Variants in MALRD1 observed in about 807,000 individuals in gnomAD.
MALRD1 encodes MAM and LDL-receptor class A domain-containing protein 1.
Under a neutral mutation model 242.1 loss-of-function variants are expected in MALRD1, and 247 were observed. The observed-to-expected ratio is 1.02, with a 90% CI of 0.92 to 1.13. MALRD1 has a LOEUF of 1.13. MALRD1 is among the 50% of genes most tolerant of loss of function. MALRD1 has a pLI of 0.00. For synonymous variants in MALRD1, 995 were observed against 866.6 expected, an observed-to-expected ratio of 1.15 and a Z score of -2.60; for missense variants, 2,989 against 2,533.1, an observed-to-expected ratio of 1.18 and a Z score of -3.86.
rs559172523 is a variant in MALRD1 at position 19,620,633 on chromosome 10, C to T, written c.6137+4710C>T. Among the ~76,000 whole-genome samples, 34 of 152,002 alleles carry T rather than the reference C, an allele frequency of 2.2e-4. No homozygotes were observed. The East Asian group carries it at 6.2e-3, about 28-fold the overall frequency. The stretch of plus-strand genomic sequence containing the variant: ...TTTTCAAAAACTCCTTTGGAGAGTT[C>T]ATGGGCAAAAATTTTGAAGACCGTG... On this transcript the variant is annotated intron_variant, in intron 36 of 39. Transcript: ENST00000454679.
At chr10:19,444,523 C>T (rs1270779405) in intron 28 of MALRD1, among the ~76,000 whole-genome samples, 2 of 152,136 alleles carry the variant, frequency 1.3e-5, no homozygotes, top group Non-Finnish European at 2.9e-5. Flanking sequence ...AATCTCTCCG[C>T]ATTTGCTTGT....
chr10:19,579,751 A>G lies in MALRD1; in HGVS notation c.5680+12048A>G, dbSNP rs145718285. ...CAAAAACGGTAGACTTAACCCTGTA[A>G]GGCGTTGGAGAACCATTTTTGAGCA... On this transcript the variant is annotated intron_variant, in intron 33 of 39. Transcript: ENST00000454679. Among the ~76,000 whole-genome samples, 3 of 152,334 alleles carry G rather than the reference A, an allele frequency of 2.0e-5. No homozygotes were observed. The East Asian group carries it at 5.8e-4, about 29-fold the overall frequency.
At chr10:19,466,283 T>A (rs1005134770) in intron 29 of MALRD1, among the ~76,000 whole-genome samples, 1 of 152,200 alleles carries the variant, frequency 6.6e-6, no homozygotes, top group Non-Finnish European at 1.5e-5. Context: ...TCTTCGCATA[T>A]TGTTCCTAGT....
In MALRD1 at chr10:19,128,221, G is replaced by T. The variant is rs1564409887; in HGVS notation, c.944G>T (p.Gly315Val). Residue 315 changes from glycine (G) to valine (V), a missense_variant and splice_region_variant, in exon 8 of 40, where the codon GGT (glycine) becomes GTT (valine). Coordinates refer to ENST00000454679, the MANE Select transcript of MALRD1 (RefSeq NM_001142308.3). ...PQQDQGGDDE[G>V]YYVWVGAKHG... ...GCTTCTTTTTTCTTTTATCTTTCAG[G>T]TTATTATGTATGGGTAGGCGCTAAG... The T allele has an allele frequency of 4.9e-6, 6 of 1,233,120 alleles. No homozygotes were observed. The highest frequency in any genetic ancestry group is 3.0e-6 in the Non-Finnish European group (3 of 987,602). 76.4% of individuals were successfully genotyped at this position (1,233,120 alleles called of 1,614,324 possible).
intron 19 of MALRD1, among the ~76,000 whole-genome samples, chr10:19,259,645 A>G (rs183350532): frequency 7.2e-4 from 109 of 152,288 alleles, no homozygotes; most frequent in African/African-American, 2.5e-3. Context: ...TATAGGAGCC[A>G]TAATTCAAGA....
intron 26 of MALRD1, among the ~76,000 whole-genome samples, chr10:19,354,800 T>A (rs1213509354): frequency 1.3e-5 from 2 of 152,170 alleles, no homozygotes; most frequent in African/African-American, 4.8e-5. Context: ...GTGATGGTTA[T>A]CCCAATTACC....
intron 4 of MALRD1, among the ~76,000 whole-genome samples, chr10:19,097,963 C>T (rs770326072): frequency 6.6e-5 from 10 of 152,112 alleles, no homozygotes; most frequent in African/African-American, 1.2e-4. Context: ...CCTCCTCTTA[C>T]TTTCGGGAAC....
chr10:19,414,295 A>G (rs1400991952), intron 28 of MALRD1, among the ~76,000 whole-genome samples: 4 of 152,214 alleles, frequency 2.6e-5, no homozygotes, highest in Non-Finnish European at 4.4e-5. Context: ...ATTACAGAGC[A>G]ATAACTGATA....
chr10:19,134,398 C>T (rs542295149), intron 9 of MALRD1, among the ~76,000 whole-genome samples: 1 of 152,298 alleles, frequency 6.6e-6, no homozygotes, highest in South Asian at 2.1e-4. Flanking sequence ...AATGCTGTCT[C>T]TTAAAAAATT....
Position 19,356,829 on chromosome 10 carries a change from C to T in MALRD1, c.4441+4532C>T, listed in dbSNP as rs1487785023. ...AATAGAAGTATAAAAATGTACCTTGCCAGGCACGGTGGCTCACACCTGTAA... is the reference window on the plus strand; with the variant it reads ...AATAGAAGTATAAAAATGTACCTTGTCAGGCACGGTGGCTCACACCTGTAA... On this transcript the variant is annotated intron_variant, in intron 26 of 39. Coordinates refer to ENST00000454679, the MANE Select transcript of MALRD1 (RefSeq NM_001142308.3). Among the ~76,000 whole-genome samples the T allele has an allele frequency of 2.0e-5, 3 of 152,120 alleles. No homozygotes were observed. The South Asian group carries it at 6.2e-4, about 31-fold the overall frequency.
chr10:19,380,263 CT>C (rs996159786), intron 26 of MALRD1, among the ~76,000 whole-genome samples: 7 of 137,602 alleles, frequency 5.1e-5, no homozygotes, highest in African/African-American at 1.9e-4. Context: ...GTGTGAGCCA[CT>C]GCGGCCAGCC....
At chr10:19,405,847 G>T (rs370393751) in intron 28 of MALRD1, among the ~76,000 whole-genome samples, 1 of 112,576 alleles carries the variant, frequency 8.9e-6, no homozygotes, top group Non-Finnish European at 1.9e-5. Flanking sequence ...TTACTTTTGC[G>T]TTAGGATGCA....
intron 31 of MALRD1, among the ~76,000 whole-genome samples, chr10:19,516,705 C>T (rs555110092): frequency 1.4e-5 from 2 of 141,774 alleles, no homozygotes; most frequent in East Asian, 2.0e-4. Flanking sequence ...TCCTCCCTCC[C>T]TCCCTTGCTT....
At chr10:19,248,347 G>C (rs1026553044) in intron 18 of MALRD1, among the ~76,000 whole-genome samples, 2 of 150,850 alleles carry the variant, frequency 1.3e-5, no homozygotes, top group Non-Finnish European at 2.9e-5. Context: ...TGTTCCTCTT[G>C]TAAGGGTCCA....
intron 14 of MALRD1, among the ~76,000 whole-genome samples, chr10:19,188,619 G>A (rs10740849): frequency 0.43 from 65,153 of 151,482 alleles, 14,356 homozygotes; most frequent in Admixed American, 0.5. Flanking sequence ...CTCAGTCTAC[G>A]GAGCTACCTT....
chr10:19,501,122 A>G (rs1002573248), intron 31 of MALRD1, among the ~76,000 whole-genome samples: 2 of 152,208 alleles, frequency 1.3e-5, no homozygotes, highest in African/African-American at 4.8e-5. Context: ...ATGCCATTCA[A>G]CAAGAGACCT....
intron 9 of MALRD1, among the ~76,000 whole-genome samples, chr10:19,134,654 C>T (rs917927949): frequency 6.6e-6 from 1 of 152,158 alleles, no homozygotes; most frequent in Non-Finnish European, 1.5e-5. Flanking sequence ...CTATCACAGC[C>T]TATTGAGTTA....
At chr10:19,671,112 T>C (rs1292142565) in intron 36 of MALRD1, among the ~76,000 whole-genome samples, 1 of 152,022 alleles carries the variant, frequency 6.6e-6, no homozygotes, top group Admixed American at 6.6e-5. Flanking sequence ...GATAAGACAA[T>C]GATTTTCTAA....
intron 36 of MALRD1, among the ~76,000 whole-genome samples, chr10:19,645,194 A>G (rs1314346480): frequency 6.6e-6 from 1 of 152,166 alleles, no homozygotes; most frequent in Non-Finnish European, 1.5e-5. Flanking sequence ...ATCTCACACC[A>G]ATTAGAATGG....
Sources: gnomAD v4.1 joint callset for allele counts (sites outside exome capture counted in the v4.1 genomes callset) on GRCh38, gnomAD v4.1.1 for gene constraint, MANE v1.5 for transcripts, NCBI Gene and HGNC (gene_info 2026-07-23, HGNC 2026-07-21) for gene names.